AMZ1: variants seen among roughly 807,000 people sequenced by gnomAD.
AMZ1 encodes the protein archaelysin family metallopeptidase 1, also known as archaemetzincin-1.
AMZ1 carries 39 observed loss-of-function variants against 29.9 expected under a neutral mutation model. That is an observed-to-expected ratio of 1.30 (90% confidence interval 1.01 to 1.70). The LOEUF (loss-of-function observed/expected upper bound fraction) is 1.70, where lower values mean the gene tolerates loss of function less well. AMZ1 is among the 40% of genes most tolerant of loss of function. The pLI, the probability that AMZ1 is intolerant of heterozygous loss-of-function variation, is 0.00. For missense variants in AMZ1, 1,041 were observed against 680.6 expected (o/e 1.53, Z -5.89); for synonymous variants, 458 against 304.0 (o/e 1.51, Z -5.27).
At chr7:2,684,933 G>C (rs1174138383), upstream of AMZ1, among the ~76,000 whole-genome samples, 3 of 148,844 alleles carry the variant, frequency 2.0e-5, no homozygotes, top group Non-Finnish European at 4.4e-5. Flanking sequence ...GCAGTGGCGC[G>C]ATCTCAGCTC....
intron 4 of AMZ1, among the ~76,000 whole-genome samples, chr7:2,732,112 C>CAAA (rs1789926798): frequency 6.6e-6 from 1 of 152,120 alleles, no homozygotes; most frequent in Non-Finnish European, 1.5e-5. Context: ...TTATAGCTTC[C>CAAA]AAAACCTTAC....
intron 4 of AMZ1, among the ~76,000 whole-genome samples, chr7:2,734,505 A>G (rs1583207312): frequency 6.6e-6 from 1 of 152,180 alleles, no homozygotes; most frequent in East Asian, 1.9e-4. Flanking sequence ...ACGCAGGAGA[A>G]TTTTAAGGAG....
intron 4 of AMZ1, among the ~76,000 whole-genome samples, chr7:2,744,916 T>C (rs942231073): frequency 1.3e-5 from 2 of 152,020 alleles, no homozygotes; most frequent in African/African-American, 4.8e-5. Flanking sequence ...AGAAAGGGTA[T>C]AAGTGATGGA....
At chr7:2,759,468 C>T (rs1179166441) in intron 4 of AMZ1, among the ~76,000 whole-genome samples, 2 of 152,184 alleles carry the variant, frequency 1.3e-5, no homozygotes, top group Non-Finnish European at 2.9e-5. Context: ...GGTTAAATAA[C>T]ATGCCCAAGT....
intron 1 of AMZ1, among the ~76,000 whole-genome samples, chr7:2,691,784 C>T (rs917157551): frequency 6.0e-5 from 9 of 150,016 alleles, no homozygotes; most frequent in Non-Finnish European, 1.2e-4. Context: ...TGGCAGGCAC[C>T]GGAAGGGGAA....
At position 2,692,532 on chromosome 7, in the gene AMZ1, G is replaced by A. The variant is rs565140875; in HGVS notation, c.-219+4236G>A. 6.6e-5 allele frequency among the ~76,000 whole-genome samples: 10 copies of A among 152,164 alleles called. No homozygotes were observed. In the South Asian group the frequency reaches 1.7e-3, roughly 25 times the overall value. On this transcript the variant is annotated intron_variant, in intron 1 of 6. Coordinates refer to ENST00000683327, the MANE Select transcript of AMZ1 (RefSeq NM_001384743.1). ...ACTCCAGCCTGGGTGATAGAGTGAG[G>A]CTCCATCTCAAAAAATAAAAAATAA...
chr7:2,744,471 A>C (rs1790669847), intron 4 of AMZ1, among the ~76,000 whole-genome samples: 1 of 152,244 alleles, frequency 6.6e-6, no homozygotes. Context: ...GTCTGTTAGA[A>C]GGAAAACTAA....
chr7:2,696,552 T>C (rs186829532), intron 1 of AMZ1, among the ~76,000 whole-genome samples: 2,105 of 149,692 alleles, frequency 0.014, 38 homozygotes, highest in African/African-American at 0.044. Context: ...CCACCGCACC[T>C]GGCCAATAGT....
intron 1 of AMZ1, among the ~76,000 whole-genome samples, chr7:2,699,537 C>A (rs1044059691): frequency 2.6e-5 from 4 of 152,156 alleles, no homozygotes; most frequent in Admixed American, 1.3e-4. Context: ...CCCCGCCCCC[C>A]CCCAAACATA....
intron 1 of AMZ1, among the ~76,000 whole-genome samples, chr7:2,689,908 C>CA (rs1329001178): frequency 6.6e-6 from 1 of 152,176 alleles, no homozygotes; most frequent in Non-Finnish European, 1.5e-5. Context: ...CCAGGGCTCA[C>CA]ATGCAGCTCT....
At chr7:2,702,664 G>T (rs762409735) in intron 2 of AMZ1, 58 bp from the exon 3 acceptor site, 6 of 1,475,756 alleles carry the variant, frequency 4.1e-6, no homozygotes, top group Non-Finnish European at 5.4e-6. Flanking sequence ...GATTCCCGGG[G>T]AGAGGGTCCC....
At chr7:2,705,023 ATTTG>A (rs1297533550) in intron 3 of AMZ1, among the ~76,000 whole-genome samples, 1 of 152,072 alleles carries the variant, frequency 6.6e-6, no homozygotes, top group Non-Finnish European at 1.5e-5. Context: ...ATGTGCCTGT[ATTTG>A]TTATTTCTGC....
chr7:2,712,398 G>A lies in AMZ1; in HGVS notation c.1017G>A (p.Val339=). Residue 339 remains valine, a synonymous_variant, in exon 7 of 7, where the codon GTG becomes GTA. Transcript: ENST00000683327. ...GCCAGGAGGCGGGGGAGCCGTCAGTGTGGGAGGACACCCCGCCTGCCAGCG... is the reference window on the plus strand; with the variant it reads ...GCCAGGAGGCGGGGGAGCCGTCAGTATGGGAGGACACCCCGCCTGCCAGCG... The part of the protein sequence containing the change: ...WPSQEAGEPS[V]WEDTPPASAD... 2 of 1,611,296 alleles carry A rather than the reference G, an allele frequency of 1.2e-6. No homozygotes were observed. The highest frequency in any genetic ancestry group is 8.5e-7 in the Non-Finnish European group (1 of 1,179,356).
intron 3 of AMZ1, among the ~76,000 whole-genome samples, chr7:2,707,795 C>G (rs962663260): frequency 3.3e-5 from 5 of 151,384 alleles, no homozygotes; most frequent in African/African-American, 4.9e-5. Flanking sequence ...CTCACCCAGA[C>G]CCCCTGCTGC....
chr7:2,698,446 C>G (rs798477), intron 1 of AMZ1, among the ~76,000 whole-genome samples: 150,054 of 152,172 alleles, frequency 0.99, 73,992 homozygotes, highest in East Asian at 1. Context: ...GCTGGGGCAG[C>G]AGAATTGCTT....
intron 4 of AMZ1, among the ~76,000 whole-genome samples, chr7:2,747,494 C>G (rs375630946): frequency 2.0e-5 from 3 of 152,218 alleles, no homozygotes; most frequent in Admixed American, 6.5e-5. Flanking sequence ...AAACTCTCAA[C>G]AAATTAGGTA....
chr7:2,708,640 G>A lies in AMZ1; in HGVS notation c.525G>A (p.Val175=). The change falls in exon 4 of 7, where the codon GTG becomes GTA. Residue 175 remains valine, a synonymous_variant. Coordinates refer to ENST00000683327, the MANE Select transcript of AMZ1 (RefSeq NM_001384743.1). ...KNNKPGDALC[V]LGLTLSDLYP... ...ACAAGCCAGGGGACGCGCTGTGTGT[G>A]CTGGGCCTCACACTGTCTGACCTGT... is the stretch of plus-strand genomic sequence containing the variant. 6.2e-7 allele frequency: 1 copy of A among 1,613,176 alleles called. No individual in the cohort carries two copies. The highest frequency in any genetic ancestry group is 8.5e-7 in the Non-Finnish European group (1 of 1,179,982).
chr7:2,729,852 AC>A (rs1253808644), intron 4 of AMZ1: 2 of 152,460 alleles, frequency 1.3e-5, no homozygotes, highest in Non-Finnish European at 2.9e-5. Flanking sequence ...TATTTTAAAC[AC>A]AGTGAAAGCC....
chr7:2,704,483 TAAA>T (rs34393404), intron 3 of AMZ1, among the ~76,000 whole-genome samples: 12 of 149,838 alleles, frequency 8.0e-5, no homozygotes, highest in African/African-American at 2.7e-4. Flanking sequence ...ACCCGATCAT[TAAA>T]AAAAAATCAC....
Sources: gnomAD v4.1 joint callset for allele counts (sites outside exome capture counted in the v4.1 genomes callset) on GRCh38, gnomAD v4.1.1 for gene constraint, MANE v1.5 for transcripts, NCBI Gene and HGNC (gene_info 2026-07-23, HGNC 2026-07-21) for gene names.